The following OR51B5 variants were observed in gnomAD, a reference collection of about 807,000 sequenced individuals.
The protein encoded by OR51B5 is olfactory receptor 51B5.
For missense variants in OR51B5, 456 were observed against 374.6 expected (o/e 1.22, Z -1.79); for synonymous variants, 186 against 144.8 (o/e 1.28, Z -2.04).
intron 1 of OR51B5, among the ~76,000 whole-genome samples, chr11:5,432,066 T>C (rs1850542735): frequency 6.6e-6 from 1 of 152,214 alleles, no homozygotes; most frequent in Non-Finnish European, 1.5e-5. Flanking sequence ...TTGAAAAATA[T>C]GCATTGTTGT....
intron 1 of OR51B5, chr11:5,454,163 C>T (rs1270331030): frequency 6.2e-7 from 1 of 1,614,068 alleles, no homozygotes; most frequent in East Asian, 2.2e-5. Flanking sequence ...TGCGTTCTGT[C>T]ATGGCCACTG....
At chr11:5,399,397 G>C (rs1432725597) in intron 1 of OR51B5, among the ~76,000 whole-genome samples, 1 of 152,096 alleles carries the variant, frequency 6.6e-6, no homozygotes, top group African/African-American at 2.4e-5. Flanking sequence ...GTTGCTAAAG[G>C]CTCACATTAA....
At chr11:5,445,866 T>C (rs760313687) in intron 1 of OR51B5, among the ~76,000 whole-genome samples, 1 of 151,970 alleles carries the variant, frequency 6.6e-6, no homozygotes. Flanking sequence ...GTGAGCTGTA[T>C]TGATAAACTA....
intron 1 of OR51B5, among the ~76,000 whole-genome samples, chr11:5,354,296 C>T (rs767585467): frequency 2.0e-5 from 3 of 152,182 alleles, no homozygotes; most frequent in Non-Finnish European, 2.9e-5. Context: ...TTTCTTGACT[C>T]ACCCTCTAGG....
In OR51B5 at chr11:5,400,514, G is replaced by C. The variant is rs184891206; in HGVS notation, n.85-53604C>G. The stretch of plus-strand genomic sequence containing the variant: ...CCTGGAAATTTTCTACTAATTCTTA[G>C]GTCTTAGCTGAAATGCCACTTTCCA... On this transcript the variant is annotated intron_variant and non_coding_transcript_variant, in intron 1 of 4. Transcript: ENST00000415970. Among the ~76,000 whole-genome samples, 154 of 151,782 alleles carry C rather than the reference G, an allele frequency of 1.0e-3. 1 individual carries two copies. Among genetic ancestry groups the C allele is most frequent in the Admixed American group, 3.3e-4 (5 of 15,246 alleles).
At position 5,450,081 on chromosome 11, in the gene OR51B5, G is replaced by A. The variant is rs116528288; in HGVS notation, n.84+55488C>T. Among the ~76,000 whole-genome samples, 378 of 152,206 alleles carry A rather than the reference G, an allele frequency of 2.5e-3. 1 individual carries two copies. The highest frequency in any genetic ancestry group is 8.6e-3 in the African/African-American group (357 of 41,522). Reference sequence around the variant, plus strand: ...AACATCAAAGCCATAAAGGATCTCAGAGAATGTCCTTAAAAATAAGACATA... The same window carrying A: ...AACATCAAAGCCATAAAGGATCTCAAAGAATGTCCTTAAAAATAAGACATA... On this transcript the variant is annotated intron_variant and non_coding_transcript_variant, in intron 1 of 4. Coordinates refer to the OR51B5 transcript ENST00000415970.
chr11:5,389,694 T>C (rs1219984953), intron 1 of OR51B5: 1 of 1,613,724 alleles, frequency 6.2e-7, no homozygotes, highest in Admixed American at 1.7e-5. Flanking sequence ...ATCTTCTGGT[T>C]TAACTCCCAT....
chr11:5,353,804 C>A (rs1225293669), intron 1 of OR51B5, among the ~76,000 whole-genome samples: 1 of 152,228 alleles, frequency 6.6e-6, no homozygotes, highest in Non-Finnish European at 1.5e-5. Flanking sequence ...TGCCCACCTA[C>A]TCTTCATCAC....
chr11:5,396,901 C>A (rs1422172151), intron 1 of OR51B5, among the ~76,000 whole-genome samples: 3 of 152,064 alleles, frequency 2.0e-5, no homozygotes, highest in African/African-American at 4.8e-5. Context: ...ATAATGCTGT[C>A]TATCTACAAC....
upstream of OR51B5, among the ~76,000 whole-genome samples, chr11:5,343,805 A>C (rs1341620144): frequency 6.6e-6 from 1 of 152,220 alleles, no homozygotes; most frequent in African/African-American, 2.4e-5. Flanking sequence ...CAGAAAAAAA[A>C]TTATGTAAAC....
intron 1 of OR51B5, among the ~76,000 whole-genome samples, chr11:5,374,456 C>A (rs1166937468): frequency 6.6e-6 from 1 of 152,196 alleles, no homozygotes; most frequent in Non-Finnish European, 1.5e-5. Flanking sequence ...CAGTTCCTCA[C>A]CAGCAACGGA....
chr11:5,353,088 T>C (rs1849128080), intron 1 of OR51B5, among the ~76,000 whole-genome samples: 1 of 151,890 alleles, frequency 6.6e-6, no homozygotes, highest in Non-Finnish European at 1.5e-5. Flanking sequence ...CTGCTGTTTC[T>C]AGAAAATTGC....
chr11:5,467,398 A>C (rs1003264853), intron 1 of OR51B5, among the ~76,000 whole-genome samples: 8 of 152,240 alleles, frequency 5.3e-5, no homozygotes. Flanking sequence ...ATTTTAAAAA[A>C]GTTATTCCAT....
chr11:5,350,044 C>T (rs1849053366), intron 1 of OR51B5, among the ~76,000 whole-genome samples: 1 of 152,152 alleles, frequency 6.6e-6, no homozygotes, highest in African/African-American at 2.4e-5. Context: ...TTTGACACAC[C>T]TCTGGGTGAA....
At chr11:5,477,424 C>T (rs967768172) in intron 1 of OR51B5, among the ~76,000 whole-genome samples, 3 of 152,176 alleles carry the variant, frequency 2.0e-5, no homozygotes, top group Non-Finnish European at 4.4e-5. Flanking sequence ...TTCCTGGGAG[C>T]ATTCCTGCCT....
At chr11:5,424,732 A>G (rs1411017989) in intron 1 of OR51B5, among the ~76,000 whole-genome samples, 1 of 150,884 alleles carries the variant, frequency 6.6e-6, no homozygotes, top group Admixed American at 6.6e-5. Flanking sequence ...CTGTAATCCC[A>G]GCACTTTGGG....
At chr11:5,406,249 G>A (rs1850056937) in intron 1 of OR51B5, among the ~76,000 whole-genome samples, 1 of 152,154 alleles carries the variant, frequency 6.6e-6, no homozygotes, top group African/African-American at 2.4e-5. Context: ...CTTCTCCTTA[G>A]ATGTTTCTCA....
rs7925918 is a variant in OR51B5 at position 5,398,918 on chromosome 11, G to A, written n.85-52008C>T. Reference sequence around the variant, plus strand: ...TACCCAGTCTCAGGTAGTATCTTTAGAGCAGTGTGAGAATGAACTAATACA... The same window carrying A: ...TACCCAGTCTCAGGTAGTATCTTTAAAGCAGTGTGAGAATGAACTAATACA... On this transcript the variant is annotated intron_variant and non_coding_transcript_variant, in intron 1 of 4. Transcript: ENST00000415970. Among the ~76,000 whole-genome samples, 2 of 151,924 alleles carry A rather than the reference G, an allele frequency of 1.3e-5. 1 individual carries two copies. The highest frequency in any genetic ancestry group is 4.2e-4 in the South Asian group (2 of 4,816).
chr11:5,412,425 G>A (rs539720345), intron 1 of OR51B5, among the ~76,000 whole-genome samples: 2 of 152,280 alleles, frequency 1.3e-5, no homozygotes, highest in African/African-American at 2.4e-5. Context: ...ACTAGGGAGT[G>A]CCAGACAGTG....
Sources: gnomAD v4.1 joint callset for allele counts (sites outside exome capture counted in the v4.1 genomes callset) on GRCh38, gnomAD v4.1.1 for gene constraint, MANE v1.5 for transcripts, NCBI Gene and HGNC (gene_info 2026-07-23, HGNC 2026-07-21) for gene names.